STT3B: variants seen among roughly 807,000 people sequenced by gnomAD.
STT3B encodes the protein STT3 oligosaccharyltransferase complex catalytic subunit B, also known as dolichyl-diphosphooligosaccharide--protein glycosyltransferase subunit STT3B.
Under a neutral mutation model 96.8 loss-of-function variants are expected in STT3B, and 29 were observed. That is an observed-to-expected ratio of 0.30 (90% CI 0.22 to 0.41). STT3B has a LOEUF of 0.41. STT3B is among the 10% of genes least tolerant of loss of function. STT3B has a pLI of 1.00. For synonymous variants in STT3B, 367 were observed against 360.0 expected, an observed-to-expected ratio of 1.02 and a Z score of -0.22; for missense variants, 640 against 1,022.3, an observed-to-expected ratio of 0.63 and a Z score of 5.10.
intron 5 of STT3B, among the ~76,000 whole-genome samples, chr3:31,610,281 A>G (rs1360693697): frequency 6.6e-6 from 1 of 152,226 alleles, no homozygotes; most frequent in Non-Finnish European, 1.5e-5. Flanking sequence ...GTTGGATTTT[A>G]AAGTATCTAC....
intron 12 of STT3B, 85 bp downstream of exon 12, chr3:31,625,170 G>A: frequency 2.4e-6 from 3 of 1,269,896 alleles, no homozygotes; most frequent in Admixed American, 2.2e-5. Flanking sequence ...TAGGAAAAAT[G>A]TGGGTGAAAA....
intron 1 of STT3B, among the ~76,000 whole-genome samples, chr3:31,559,955 T>G (rs975056913): frequency 1.3e-5 from 2 of 152,138 alleles, no homozygotes; most frequent in African/African-American, 4.8e-5. Flanking sequence ...TTGTCTCTTT[T>G]TACTGTTTTT....
At chr3:31,633,168 T>A in intron 15 of STT3B, 21 bp downstream of exon 15, 1 of 1,604,374 alleles carries the variant, frequency 6.2e-7, no homozygotes, top group Non-Finnish European at 8.5e-7. Flanking sequence ...AGTGAAGGCA[T>A]TAAAGGGTAA....
At chr3:31,586,728 CTG>C (rs1045175182) in intron 3 of STT3B, among the ~76,000 whole-genome samples, 8 of 152,074 alleles carry the variant, frequency 5.3e-5, no homozygotes, top group African/African-American at 1.7e-4. Context: ...TTCTGTTTAT[CTG>C]TGTCTGTCTA....
In STT3B at chr3:31,619,769, A is replaced by G. The variant is rs758437208; in HGVS notation, c.1266A>G (p.Val422=). ...VSFFFDLHIL[V]CTFPAGLWFC... is the part of the protein sequence containing the mutation. ...TCTTCTTTGATCTACATATTCTTGT[A>G]TGTACCTTCCCAGCAGGCCTTTGGT... Residue 422 remains valine (V), a synonymous_variant, in exon 9 of 16, where the codon GTA becomes GTG. Coordinates refer to ENST00000295770, the MANE Select transcript of STT3B (RefSeq NM_178862.3). The G allele has an allele frequency of 1.2e-6, 2 of 1,613,986 alleles. No individual in the cohort carries two copies. The highest frequency in any genetic ancestry group is 1.7e-6 in the Non-Finnish European group (2 of 1,179,938).
chr3:31,557,757 C>T lies in STT3B; in HGVS notation c.315-18639C>T, dbSNP rs147995091. Among the ~76,000 whole-genome samples the T allele has an allele frequency of 1.3e-3, 200 of 152,266 alleles. 3 individuals are homozygous for T. The East Asian group carries it at 0.034, about 26-fold the overall frequency. On this transcript the variant is annotated intron_variant, in intron 1 of 15. Transcript: ENST00000295770. ...ACACCATTGTCCTGCCTCGGCCTCC[C>T]GAGTAGCTGGGACCACAGGCGCCCG...
In STT3B at chr3:31,637,504, G is replaced by C. The variant is rs541875921; in HGVS notation, c.*1440G>C. On this transcript the variant is annotated 3_prime_UTR_variant, in exon 16 of 16. Coordinates refer to ENST00000295770, the MANE Select transcript of STT3B (RefSeq NM_178862.3). ...ATTTTCACAAATAGAGTGTAACGAA[G>C]TCTGGATTTCTGATACCTTGTCATT... is the stretch of plus-strand genomic sequence containing the variant. 6.6e-6 allele frequency: 1 copy of C among 152,230 alleles called. No homozygotes were observed. Among genetic ancestry groups the C allele is most frequent in the South Asian group, 2.1e-4 (1 of 4,820 alleles). The allele number at this position is 152,230 out of a possible 1,614,324, so 9.4% of individuals were successfully genotyped here.
intron 3 of STT3B, among the ~76,000 whole-genome samples, chr3:31,586,176 T>A (rs2125456381): frequency 6.6e-6 from 1 of 152,242 alleles, no homozygotes; most frequent in East Asian, 1.9e-4. Flanking sequence ...CTTATGGCTT[T>A]CGTTTGCTTT....
intron 9 of STT3B, among the ~76,000 whole-genome samples, chr3:31,621,583 A>G (rs73826812): frequency 0.012 from 1,783 of 152,320 alleles, 37 homozygotes; most frequent in African/African-American, 0.041. Context: ...AGCTCTGGCT[A>G]TTGGAAATTT....
chr3:31,576,722 T>G lies in STT3B; in HGVS notation c.423+218T>G, dbSNP rs185289072. ...TTGGGTTGTCTCACACTAGCCACTC[T>G]TTTTGACAAGTGGTGGAGGCTGGGT... On this transcript the variant is annotated intron_variant, in intron 2 of 15. Coordinates refer to ENST00000295770, the MANE Select transcript of STT3B (RefSeq NM_178862.3). Among the ~76,000 whole-genome samples, 89 of 152,278 alleles carry G rather than the reference T, an allele frequency of 5.8e-4. 1 individual carries two copies. Among genetic ancestry groups the G allele is most frequent in the Non-Finnish European group, 1.1e-3 (77 of 68,006 alleles).
intron 1 of STT3B, among the ~76,000 whole-genome samples, chr3:31,566,851 G>A (rs560072054): frequency 3.3e-5 from 5 of 152,276 alleles, no homozygotes; most frequent in Admixed American, 3.3e-4. Flanking sequence ...AGCAGAATTT[G>A]CCTGTCTTTC....
chr3:31,571,061 G>T (rs1698124621), intron 1 of STT3B, among the ~76,000 whole-genome samples: 1 of 152,168 alleles, frequency 6.6e-6, no homozygotes, highest in African/African-American at 2.4e-5. Context: ...TGAGAAGAGG[G>T]TTTAGAGAAA....
chr3:31,540,218 G>A (rs990790595), intron 1 of STT3B, among the ~76,000 whole-genome samples: 20 of 152,218 alleles, frequency 1.3e-4, no homozygotes, highest in African/African-American at 4.3e-4. Flanking sequence ...TAGAGCTTTT[G>A]TGTGAAGCTT....
At chr3:31,533,550 C>T (rs868276774) in intron 1 of STT3B, 10 of 394,000 alleles carry the variant, frequency 2.5e-5, no homozygotes, top group Middle Eastern at 7.7e-4. Flanking sequence ...TGATTCTCGG[C>T]CGGGCTAGTG....
intron 1 of STT3B, among the ~76,000 whole-genome samples, chr3:31,560,328 T>C (rs1400043664): frequency 5.9e-5 from 9 of 152,032 alleles, no homozygotes. Context: ...GTCTTTTCTT[T>C]GTGTGTGTGT....
chr3:31,604,061 T>G (rs1295192477), intron 5 of STT3B, among the ~76,000 whole-genome samples: 2 of 152,132 alleles, frequency 1.3e-5, no homozygotes, highest in African/African-American at 4.8e-5. Flanking sequence ...AGAAATCAAT[T>G]TCTAATATTG....
intron 3 of STT3B, among the ~76,000 whole-genome samples, chr3:31,585,413 A>G (rs1698514648): frequency 6.6e-6 from 1 of 152,100 alleles, no homozygotes; most frequent in South Asian, 2.1e-4. Context: ...ATACATGTAA[A>G]GGTATAGAAT....
intron 5 of STT3B, among the ~76,000 whole-genome samples, chr3:31,606,166 G>A (rs1699049100): frequency 6.6e-6 from 1 of 152,150 alleles, no homozygotes; most frequent in Non-Finnish European, 1.5e-5. Context: ...ATTTTTAAAA[G>A]GGAAACAGAG....
At chr3:31,538,101 A>C (rs936674896) in intron 1 of STT3B, among the ~76,000 whole-genome samples, 1 of 152,156 alleles carries the variant, frequency 6.6e-6, no homozygotes, top group Non-Finnish European at 1.5e-5. Context: ...AGAAAGTTGA[A>C]TTTTATAGTG....
Sources: allele counts gnomAD v4.1 joint callset (sites outside exome capture counted in the v4.1 genomes callset), GRCh38; gene constraint gnomAD v4.1.1; transcripts MANE v1.5; gene names NCBI Gene and HGNC (gene_info 2026-07-23, HGNC 2026-07-21).